MBD5: variants seen among roughly 807,000 people sequenced by gnomAD.
MBD5 encodes the protein methyl-CpG-binding domain protein 5.
Under a neutral mutation model 117.3 loss-of-function variants are expected in MBD5, and 13 were observed. The observed-to-expected ratio is 0.11, with a 90% CI of 0.07 to 0.18. The LOEUF (loss-of-function observed/expected upper bound fraction) is 0.18. Among genes scored for constraint, MBD5 ranks in the 10% least tolerant of loss-of-function variants. The pLI is 1.00. For synonymous variants in MBD5, 727 were observed against 766.4 expected, an observed-to-expected ratio of 0.95 and a Z score of 0.85; for missense variants, 1,879 against 2,093.8, an observed-to-expected ratio of 0.90 and a Z score of 2.00.
At chr2:148,027,066 T>C (rs1178195617) in intron 1 of MBD5, 1 of 152,126 alleles carries the variant, frequency 6.6e-6, no homozygotes, top group African/African-American at 2.4e-5. Context: ...CCAATGAATA[T>C]TTACTATAAA....
At chr2:148,311,796 C>T (rs1057036856) in intron 3 of MBD5, among the ~76,000 whole-genome samples, 1 of 152,112 alleles carries the variant, frequency 6.6e-6, no homozygotes, top group Non-Finnish European at 1.5e-5. Flanking sequence ...CCGGTTTTTC[C>T]TTTCCGTATT....
At chr2:148,039,223 T>C (rs1188174443) in intron 1 of MBD5, among the ~76,000 whole-genome samples, 1 of 152,118 alleles carries the variant, frequency 6.6e-6, no homozygotes, top group Non-Finnish European at 1.5e-5. Context: ...ATCATATTTT[T>C]GCATTCTTTA....
chr2:148,131,216 T>G (rs1697038775), intron 1 of MBD5, among the ~76,000 whole-genome samples: 1 of 152,070 alleles, frequency 6.6e-6, no homozygotes, highest in African/African-American at 2.4e-5. Flanking sequence ...ACTATGAGGG[T>G]TTTTTTGTTT....
At chr2:148,047,095 C>G (rs976888615) in intron 1 of MBD5, among the ~76,000 whole-genome samples, 1 of 152,190 alleles carries the variant, frequency 6.6e-6, no homozygotes, top group Non-Finnish European at 1.5e-5. Flanking sequence ...CACTGTCTCC[C>G]CCAACATAGT....
At chr2:148,441,494 C>G (rs1329160941) in intron 4 of MBD5, among the ~76,000 whole-genome samples, 3 of 152,118 alleles carry the variant, frequency 2.0e-5, no homozygotes, top group Non-Finnish European at 4.4e-5. Context: ...TTTTCTTAAT[C>G]CAGTCTATCA....
chr2:148,210,696 AAC>A (rs1699401678), intron 2 of MBD5, among the ~76,000 whole-genome samples: 2 of 152,200 alleles, frequency 1.3e-5, no homozygotes, highest in Middle Eastern at 3.4e-3. Flanking sequence ...ACCTGAAGAA[AAC>A]ACACAAATTA....
intron 1 of MBD5, among the ~76,000 whole-genome samples, chr2:148,124,280 A>G (rs569584254): frequency 1.2e-4 from 19 of 152,192 alleles, no homozygotes; most frequent in African/African-American, 4.1e-4. Context: ...CTGTCTTGAA[A>G]AAACAAACAA....
chr2:148,089,254 TGG>T (rs574162653), intron 1 of MBD5, among the ~76,000 whole-genome samples: 151 of 151,914 alleles, frequency 9.9e-4, no homozygotes, highest in African/African-American at 3.6e-3. Context: ...ACAATAATAG[TGG>T]GGGGACTTCA....
At chr2:148,301,646 T>A (rs1701777691) in intron 3 of MBD5, among the ~76,000 whole-genome samples, 1 of 152,180 alleles carries the variant, frequency 6.6e-6, no homozygotes, top group African/African-American at 2.4e-5. Flanking sequence ...ACGTCCCTTT[T>A]CCCCTGATTC....
chr2:148,030,618 T>C (rs1400126757), intron 1 of MBD5, among the ~76,000 whole-genome samples: 2 of 152,228 alleles, frequency 1.3e-5, no homozygotes, highest in Non-Finnish European at 2.9e-5. Flanking sequence ...CCATGCTTTG[T>C]ATACGGAAAG....
At chr2:148,164,679 A>ATTCC (rs1411762418) in intron 1 of MBD5, among the ~76,000 whole-genome samples, 3 of 152,180 alleles carry the variant, frequency 2.0e-5, no homozygotes, top group African/African-American at 7.2e-5. Context: ...TTGCTAAACT[A>ATTCC]TAAGTACATA....
chr2:148,199,876 C>T (rs137908278), intron 2 of MBD5, among the ~76,000 whole-genome samples: 6 of 152,182 alleles, frequency 3.9e-5, no homozygotes, highest in East Asian at 1.9e-4. Flanking sequence ...CTATCATATG[C>T]GGTATACAAA....
At chr2:148,479,720 GT>G (rs34758495) in intron 8 of MBD5, among the ~76,000 whole-genome samples, 6,100 of 142,322 alleles carry the variant, frequency 0.043, 417 homozygotes, top group African/African-American at 0.15. Flanking sequence ...TGTCTTTGTT[GT>G]TTTTTTTTTT....
At chr2:148,486,204 C>T (rs1247755360) in intron 10 of MBD5, among the ~76,000 whole-genome samples, 1 of 152,050 alleles carries the variant, frequency 6.6e-6, no homozygotes, top group African/African-American at 2.4e-5. Flanking sequence ...CTCATAAGCC[C>T]TTTTGTCATT....
At chr2:148,343,268 G>T (rs1349116153) in intron 4 of MBD5, among the ~76,000 whole-genome samples, 1 of 151,922 alleles carries the variant, frequency 6.6e-6, no homozygotes, top group Non-Finnish European at 1.5e-5. Context: ...AGAACAATTT[G>T]TTTGCTTTTG....
At chr2:148,127,867 C>A (rs1265939196) in intron 1 of MBD5, among the ~76,000 whole-genome samples, 1 of 152,156 alleles carries the variant, frequency 6.6e-6, no homozygotes, top group Non-Finnish European at 1.5e-5. Flanking sequence ...AAAAGTGTTC[C>A]TTTTTCTGCA....
chr2:148,300,763 A>C (rs1337046617), intron 3 of MBD5, among the ~76,000 whole-genome samples: 1 of 152,194 alleles, frequency 6.6e-6, no homozygotes, highest in Non-Finnish European at 1.5e-5. Context: ...AGGCATACTC[A>C]CCACAGACTT....
intron 1 of MBD5, among the ~76,000 whole-genome samples, chr2:148,061,278 A>G (rs1164426775): frequency 6.6e-6 from 1 of 152,054 alleles, no homozygotes; most frequent in Non-Finnish European, 1.5e-5. Flanking sequence ...TAGCATTCAA[A>G]TGATCAGTCG....
chr2:148,164,109 T>TA (rs1329768900), intron 1 of MBD5, among the ~76,000 whole-genome samples: 10 of 152,344 alleles, frequency 6.6e-5, no homozygotes, highest in Admixed American at 5.9e-4. Context: ...CAAACAGTCC[T>TA]ACTAGGTAGC....
Sources: allele counts gnomAD v4.1 joint callset (sites outside exome capture counted in the v4.1 genomes callset), GRCh38; gene constraint gnomAD v4.1.1; transcripts MANE v1.5; gene names NCBI Gene and HGNC (gene_info 2026-07-23, HGNC 2026-07-21).